TBC1D22A: variants seen among roughly 807,000 people sequenced by gnomAD.
TBC1D22A encodes the protein TBC1 domain family member 22A.
In TBC1D22A, 38 loss-of-function variants were observed where a neutral mutation model predicts 60.2. The ratio of observed to expected loss-of-function variants is 0.63; its 90% CI spans 0.49 to 0.83. The LOEUF (loss-of-function observed/expected upper bound fraction) is 0.83. Ranked by LOEUF, TBC1D22A falls within the 40% of genes least tolerant of loss-of-function variation. TBC1D22A has a pLI of 0.00. For synonymous variants in TBC1D22A, 302 were observed against 281.7 expected (o/e 1.07, Z -0.72); for missense variants, 628 against 701.0 (o/e 0.90, Z 1.18).
At chr22:46,983,712 A>G (rs1417620906) in intron 9 of TBC1D22A, among the ~76,000 whole-genome samples, 1 of 144,656 alleles carries the variant, frequency 6.9e-6, no homozygotes, top group Non-Finnish European at 1.5e-5. Flanking sequence ...TTTTTTTTAT[A>G]TTTTATTTTT....
intron 8 of TBC1D22A, among the ~76,000 whole-genome samples, chr22:46,944,070 G>A (rs1204462266): frequency 1.3e-5 from 2 of 152,166 alleles, no homozygotes; most frequent in Admixed American, 1.3e-4. Context: ...CCTAGGAGTG[G>A]AATTGCTGGT....
intron 10 of TBC1D22A, among the ~76,000 whole-genome samples, chr22:47,015,102 C>T (rs1167035382): frequency 2.0e-5 from 3 of 152,228 alleles, no homozygotes; most frequent in Non-Finnish European, 4.4e-5. Context: ...ACAAACTGGA[C>T]GCAGCAGGGT....
chr22:46,782,564 A>T (rs548795238), intron 1 of TBC1D22A, among the ~76,000 whole-genome samples: 51 of 152,288 alleles, frequency 3.3e-4, no homozygotes, highest in East Asian at 1.2e-3. Context: ...ACAGTTAGGC[A>T]GTCATTACTA....
Position 46,836,572 on chromosome 22 carries a change from A to G in TBC1D22A, c.637+38952A>G, listed in dbSNP as rs376096795. 6.6e-5 allele frequency among the ~76,000 whole-genome samples: 10 copies of G among 152,262 alleles called. No homozygotes were observed. The East Asian group carries it at 1.2e-3, about 18-fold the overall frequency. On this transcript the variant is annotated intron_variant, in intron 4 of 12. Coordinates refer to ENST00000337137, the MANE Select transcript of TBC1D22A (RefSeq NM_014346.5). ...GACGGCAAGAGAGGAGGAAAGAAAC[A>G]AAAGAGCTATAAAACAATTGCAAAA...
intron 7 of TBC1D22A, among the ~76,000 whole-genome samples, chr22:46,895,647 C>T (rs761962299): frequency 9.8e-5 from 15 of 152,380 alleles, no homozygotes; most frequent in South Asian, 2.1e-4. Flanking sequence ...GCTGGGATTA[C>T]AGGTGTGAGC....
rs564889816 is a variant in TBC1D22A, at chr22:46,789,203, A to G, written c.63-3317A>G. 10 of 191,224 alleles carry G rather than the reference A, an allele frequency of 5.2e-5. No individual in the cohort carries two copies. The East Asian group carries it at 1.5e-3, about 28-fold the overall frequency. 11.8% of individuals were successfully genotyped at this position (191,224 alleles called of 1,614,324 possible). Reference sequence around the variant, plus strand: ...TGCAGTGGCGCAATCTCGGCTCACTACAAGCTCTGCCTCCTGGGTTCACGC... The same window carrying G: ...TGCAGTGGCGCAATCTCGGCTCACTGCAAGCTCTGCCTCCTGGGTTCACGC... On this transcript the variant is annotated intron_variant, in intron 1 of 12. Transcript: ENST00000337137.
chr22:46,955,021 A>T (rs974707475), intron 8 of TBC1D22A, among the ~76,000 whole-genome samples: 4 of 152,224 alleles, frequency 2.6e-5, no homozygotes, highest in African/African-American at 9.6e-5. Context: ...ATAGTTGAAT[A>T]ATAAGACGCG....
At chr22:46,909,275 C>T (rs749332012) in intron 7 of TBC1D22A, among the ~76,000 whole-genome samples, 2 of 150,304 alleles carry the variant, frequency 1.3e-5, no homozygotes, top group Non-Finnish European at 3.0e-5. Flanking sequence ...GCTCCACTGC[C>T]TAAATTCTTC....
intron 8 of TBC1D22A, among the ~76,000 whole-genome samples, chr22:46,970,529 C>T (rs181235125): frequency 2.0e-4 from 31 of 152,220 alleles, no homozygotes; most frequent in African/African-American, 6.7e-4. Context: ...TGTGGCTTGC[C>T]CGGCTGTGAG....
At chr22:46,966,648 G>T (rs1229975422) in intron 8 of TBC1D22A, among the ~76,000 whole-genome samples, 1 of 152,196 alleles carries the variant, frequency 6.6e-6, no homozygotes, top group East Asian at 1.9e-4. Context: ...TCAAAACGAG[G>T]ACGGCAAAAG....
At chr22:46,942,347 A>G (rs902461710) in intron 8 of TBC1D22A, among the ~76,000 whole-genome samples, 2 of 152,066 alleles carry the variant, frequency 1.3e-5, no homozygotes, top group African/African-American at 2.4e-5. Context: ...AGCTATCTTA[A>G]TGACTTCACA....
intron 1 of TBC1D22A, among the ~76,000 whole-genome samples, chr22:46,781,143 T>TG (rs1489332638): frequency 1.3e-5 from 2 of 149,640 alleles, no homozygotes; most frequent in East Asian, 2.0e-4. Context: ...CAATTTTGTT[T>TG]TTTTTTTTTT....
chr22:46,986,772 A>G (rs1238227202), intron 9 of TBC1D22A, among the ~76,000 whole-genome samples: 1 of 152,222 alleles, frequency 6.6e-6, no homozygotes, highest in Admixed American at 6.5e-5. Context: ...CTGCTGTAGC[A>G]TAACAAATGA....
At chr22:47,114,534 A>G (rs907882977) in intron 12 of TBC1D22A, among the ~76,000 whole-genome samples, 11 of 152,086 alleles carry the variant, frequency 7.2e-5, no homozygotes, top group African/African-American at 2.7e-4. Flanking sequence ...AACAGAAGTT[A>G]CAAACCTGAG....
chr22:46,874,562 C>CTTTT lies in TBC1D22A; in HGVS notation c.638-4064_638-4061dup, dbSNP rs747481407. ...TATGTTTGTTTGGCTACAGGTATGT[C>CTTTT]TTTTTTTTTTTTTTTTTTTTTTTTT... On this transcript the variant is annotated intron_variant, in intron 4 of 12. Transcript: ENST00000337137. Among the ~76,000 whole-genome samples the CTTTT allele has an allele frequency of 1.4e-3, 58 of 40,784 alleles. 5 individuals are homozygous for CTTTT. The highest frequency in any genetic ancestry group is 1.6e-3 in the African/African-American group (15 of 9,560). The allele number at this position is 40,784 out of a possible 152,430, so 26.8% of individuals were successfully genotyped here.
intron 4 of TBC1D22A, among the ~76,000 whole-genome samples, chr22:46,806,487 T>G (rs2085144257): frequency 6.6e-6 from 1 of 150,410 alleles, no homozygotes; most frequent in Admixed American, 6.6e-5. Context: ...GTCTATTATT[T>G]AAAAAATATT....
At chr22:46,886,587 A>G (rs1323873115) in intron 5 of TBC1D22A, among the ~76,000 whole-genome samples, 2 of 152,244 alleles carry the variant, frequency 1.3e-5, no homozygotes, top group African/African-American at 4.8e-5. Flanking sequence ...TAGGAAGTTT[A>G]CTTCAGGAAG....
At position 46,794,765 on chromosome 22, in the gene TBC1D22A, G is replaced by A. The variant is rs537103736; in HGVS notation, c.460+924G>A. The stretch of plus-strand genomic sequence containing the variant: ...GAGCAGTGGGGAGCAGGTGTCATCT[G>A]AAACGGGGAGGTCAGGGTGTCTTCG... On this transcript the variant is annotated intron_variant, in intron 3 of 12. Coordinates refer to ENST00000337137, the MANE Select transcript of TBC1D22A (RefSeq NM_014346.5). Among the ~76,000 whole-genome samples, 39 of 152,052 alleles carry A rather than the reference G, an allele frequency of 2.6e-4. No homozygotes were observed. The East Asian group carries it at 6.4e-3, about 25-fold the overall frequency.
At chr22:46,942,182 G>T (rs954015350) in intron 8 of TBC1D22A, among the ~76,000 whole-genome samples, 1 of 151,998 alleles carries the variant, frequency 6.6e-6, no homozygotes, top group African/African-American at 2.4e-5. Context: ...ACAGGACTAG[G>T]CAGGCTGCCC....
Sources: allele counts gnomAD v4.1 joint callset (sites outside exome capture counted in the v4.1 genomes callset), GRCh38; gene constraint gnomAD v4.1.1; transcripts MANE v1.5; gene names NCBI Gene and HGNC (gene_info 2026-07-23, HGNC 2026-07-21).